The following STT3B variants were observed in gnomAD, a reference collection of about 807,000 sequenced individuals.
STT3B encodes the protein STT3 oligosaccharyltransferase complex catalytic subunit B, also known as dolichyl-diphosphooligosaccharide--protein glycosyltransferase subunit STT3B.
In STT3B, 29 loss-of-function variants were observed where a neutral mutation model predicts 96.8. That is an observed-to-expected ratio of 0.30 (90% CI 0.22 to 0.41). The LOEUF (loss-of-function observed/expected upper bound fraction) is 0.41. Among genes scored for constraint, STT3B ranks in the 10% least tolerant of loss-of-function variants. The probability of loss-of-function intolerance (pLI) is 1.00; values close to 1 mark genes in which losing one functional copy is unlikely to be tolerated. For missense variants in STT3B, 640 were observed against 1,022.3 expected, an observed-to-expected ratio of 0.63 and a Z score of 5.10; for synonymous variants, 367 against 360.0, an observed-to-expected ratio of 1.02 and a Z score of -0.22.
At chr3:31,588,065 T>A (rs975259216) in intron 3 of STT3B, among the ~76,000 whole-genome samples, 9 of 152,124 alleles carry the variant, frequency 5.9e-5, no homozygotes, top group African/African-American at 2.2e-4. Flanking sequence ...AATTTTTCCC[T>A]TATTGTTGAG....
At chr3:31,618,934 A>G (rs1245755574) in intron 8 of STT3B, among the ~76,000 whole-genome samples, 2 of 151,016 alleles carry the variant, frequency 1.3e-5, no homozygotes, top group Non-Finnish European at 1.5e-5. Flanking sequence ...TAAAATTGTA[A>G]TATTATAATA....
At chr3:31,606,533 C>T (rs1490597053) in intron 5 of STT3B, among the ~76,000 whole-genome samples, 1 of 152,130 alleles carries the variant, frequency 6.6e-6, no homozygotes, top group African/African-American at 2.4e-5. Flanking sequence ...CTGTAAGTCT[C>T]GGCAGCTTCC....
intron 1 of STT3B, among the ~76,000 whole-genome samples, chr3:31,565,449 A>G (rs1021602757): frequency 2.6e-5 from 4 of 152,174 alleles, no homozygotes; most frequent in African/African-American, 7.2e-5. Context: ...CATTTTTTTG[A>G]TAATGAAGTG....
chr3:31,590,735 A>T (rs1698646576), intron 3 of STT3B, among the ~76,000 whole-genome samples: 1 of 152,072 alleles, frequency 6.6e-6, no homozygotes, highest in Non-Finnish European at 1.5e-5. Context: ...GCTTTAGTAA[A>T]TAAAATTTTA....
intron 1 of STT3B, among the ~76,000 whole-genome samples, chr3:31,564,336 C>T (rs183769410): frequency 4.6e-5 from 7 of 152,242 alleles, no homozygotes; most frequent in Admixed American, 2.6e-4. Context: ...TACCAGGCAC[C>T]GTCCTTGGTG....
rs190412566 is a variant in STT3B at position 31,544,038 on chromosome 3, T to C, written c.314+10726T>C. ...CCATTTTAATTGAACTTGAGAAATA[T>C]ATTCTGATACGAAGGAATAGTAAGA... On this transcript the variant is annotated intron_variant, in intron 1 of 15. Transcript: ENST00000295770. Among the ~76,000 whole-genome samples, 13 of 152,356 alleles carry C rather than the reference T, an allele frequency of 8.5e-5. No homozygotes were observed. The East Asian group carries it at 1.9e-3, about 23-fold the overall frequency.
chr3:31,539,467 A>T (rs2125433991), intron 1 of STT3B, among the ~76,000 whole-genome samples: 1 of 152,290 alleles, frequency 6.6e-6, no homozygotes, highest in African/African-American at 2.4e-5. Context: ...ATTGAAGGAT[A>T]CAGATCTGCC....
At chr3:31,632,224 C>G (rs920015202) in intron 14 of STT3B, among the ~76,000 whole-genome samples, 1 of 152,148 alleles carries the variant, frequency 6.6e-6, no homozygotes, top group Admixed American at 6.6e-5. Context: ...TAAATCCTTT[C>G]ACGGTTTGGT....
At chr3:31,569,052 C>T (rs893834002) in intron 1 of STT3B, among the ~76,000 whole-genome samples, 52 of 152,110 alleles carry the variant, frequency 3.4e-4, no homozygotes, top group African/African-American at 1.2e-3. Flanking sequence ...CTCTGTAACC[C>T]AGGCTGGAGA....
chr3:31,598,474 G>A lies in STT3B; in HGVS notation c.777+1611G>A, dbSNP rs865960788. Among the ~76,000 whole-genome samples the A allele has an allele frequency of 2.6e-5, 4 of 152,060 alleles. 1 individual carries two copies. Among genetic ancestry groups the A allele is most frequent in the African/African-American group, 4.8e-5 (2 of 41,388 alleles). ...TAAAGAGTTAACTAAAAAGAGAGAC[G>A]GATTGAGAAAAAGCTGTAGAAAGAC... is the stretch of plus-strand genomic sequence containing the variant. On this transcript the variant is annotated intron_variant, in intron 4 of 15. Coordinates refer to ENST00000295770, the MANE Select transcript of STT3B (RefSeq NM_178862.3).
intron 5 of STT3B, among the ~76,000 whole-genome samples, chr3:31,606,227 C>T (rs1001004750): frequency 3.3e-5 from 5 of 152,170 alleles, no homozygotes; most frequent in African/African-American, 1.2e-4. Context: ...AAAAGCAGAA[C>T]CCATTCTCTG....
intron 1 of STT3B, among the ~76,000 whole-genome samples, chr3:31,569,583 A>AGT (rs1242251738): frequency 6.6e-6 from 1 of 152,188 alleles, no homozygotes; most frequent in Non-Finnish European, 1.5e-5. Flanking sequence ...AAATATACTT[A>AGT]GCAATTTTTT....
At chr3:31,552,382 A>G (rs1339777388) in intron 1 of STT3B, among the ~76,000 whole-genome samples, 1 of 152,220 alleles carries the variant, frequency 6.6e-6, no homozygotes, top group East Asian at 1.9e-4. Context: ...GACTTGAACC[A>G]GTAAGAATGA....
Position 31,584,699 on chromosome 3 carries a change from A to T in STT3B, c.711+4603A>T, listed in dbSNP as rs573798957. On this transcript the variant is annotated intron_variant, in intron 3 of 15. Coordinates refer to ENST00000295770, the MANE Select transcript of STT3B (RefSeq NM_178862.3). ...TGAGTTTTTCCTTTGTTTTCTTTTT[A>T]AAAACAATATATTTAAATAAATTAG... Among the ~76,000 whole-genome samples the T allele has an allele frequency of 4.2e-3, 633 of 152,282 alleles. 1 individual carries two copies. The highest frequency in any genetic ancestry group is 6.9e-3 in the Non-Finnish European group (466 of 67,986).
chr3:31,553,005 G>A (rs1021118365), intron 1 of STT3B, among the ~76,000 whole-genome samples: 1 of 151,528 alleles, frequency 6.6e-6, no homozygotes, highest in Non-Finnish European at 1.5e-5. Flanking sequence ...GGGAGGCTGA[G>A]GCAGGAGAAT....
intron 5 of STT3B, among the ~76,000 whole-genome samples, chr3:31,611,288 T>C (rs767235995): frequency 6.6e-6 from 1 of 152,210 alleles, no homozygotes; most frequent in Non-Finnish European, 1.5e-5. Context: ...ATATTATGGT[T>C]ATTTGTTTAC....
In STT3B at chr3:31,580,939, G is replaced by GA. The variant is rs200979073; in HGVS notation, c.711+856dup. On this transcript the variant is annotated intron_variant, in intron 3 of 15. Transcript: ENST00000295770. ...TTTGTTTATTGTGTGCAGCTGAGGA[G>GA]AAAAAAAAAAAAACACCTTAAAATC... Among the ~76,000 whole-genome samples, 765 of 131,146 alleles carry GA rather than the reference G, an allele frequency of 5.8e-3. 6 individuals carry two copies. The highest frequency in any genetic ancestry group is 0.016 in the South Asian group (65 of 4,128). 86.0% of individuals were successfully genotyped at this position (131,146 alleles called of 152,430 possible). A position where few individuals can be genotyped will look rare whatever the true frequency, so the allele number is the denominator to read the frequency against.
At chr3:31,587,098 A>G (rs1218124305) in intron 3 of STT3B, among the ~76,000 whole-genome samples, 2 of 152,136 alleles carry the variant, frequency 1.3e-5, no homozygotes, top group Non-Finnish European at 2.9e-5. Context: ...ACCGAAAGCT[A>G]TAATTTTTCC....
chr3:31,627,909 G>C (rs915824889), intron 13 of STT3B, among the ~76,000 whole-genome samples: 1 of 151,642 alleles, frequency 6.6e-6, no homozygotes, highest in Admixed American at 6.6e-5. Context: ...ACACTCATAT[G>C]GTTCAAAAGT....
Sources: allele counts gnomAD v4.1 joint callset (sites outside exome capture counted in the v4.1 genomes callset), GRCh38; gene constraint gnomAD v4.1.1; transcripts MANE v1.5; gene names NCBI Gene and HGNC (gene_info 2026-07-23, HGNC 2026-07-21).